NLRP12: variants seen among roughly 807,000 people sequenced by gnomAD.
NLRP12 encodes the protein NACHT, LRR and PYD domains-containing protein 12.
NLRP12 carries 108 observed loss-of-function variants against 91.2 expected under a neutral mutation model. The observed-to-expected ratio is 1.18, with a 90% confidence interval of 1.01 to 1.39. NLRP12 has a LOEUF of 1.39. Ranked by LOEUF, NLRP12 falls within the 40% of genes most tolerant of loss-of-function variation. The pLI is 0.00. For missense variants in NLRP12, 1,530 were observed against 1,352.7 expected (o/e 1.13, Z -2.06); for synonymous variants, 613 against 566.7 (o/e 1.08, Z -1.16).
At position 53,810,986 on chromosome 19, in the gene NLRP12, T is replaced by G; in HGVS notation, c.673A>C (p.Met225Leu). 1.2e-6 allele frequency: 2 copies of G among 1,614,174 alleles called. No individual in the cohort carries two copies. The highest frequency in any genetic ancestry group is 1.7e-6 in the Non-Finnish European group (2 of 1,180,030). Residue 225 changes from methionine to leucine, a missense_variant, in exon 3 of 10, where the codon ATG (methionine) becomes CTG (leucine). Coordinates refer to ENST00000324134, the MANE Select transcript of NLRP12 (RefSeq NM_144687.4). ...TCCAGCATCACCTTGTGTGCCAGCA[T>G]GGACTTGCCTATCCCTGCCGCGCCT... ...MQGAAGIGKS[M>L]LAHKVMLDWA... is the part of the protein sequence containing the mutation.
rs1417925433 is a variant in NLRP12 at position 53,810,320 on chromosome 19, G to C, written c.1339C>G (p.Pro447Ala). Reference protein sequence around the residue: ...LYLLSLMQPKPGAPRLQPPPN... With the variant: ...LYLLSLMQPKAGAPRLQPPPN... ...GGGGGCTGGAGGCGCGGGGCCCCCGGCTTGGGTTGCATCAGACTCAGCAGG... is the reference window on the plus strand; with the variant it reads ...GGGGGCTGGAGGCGCGGGGCCCCCGCCTTGGGTTGCATCAGACTCAGCAGG... The change falls in exon 3 of 10, where the codon CCG (proline) becomes GCG (alanine). Residue 447 changes from proline to alanine, a missense_variant. Physicochemically the swap from Pro to Ala is conservative, Grantham distance 27. Transcript: ENST00000324134. The C allele has an allele frequency of 3.1e-6, 5 of 1,613,528 alleles. No homozygotes were observed. The highest frequency in any genetic ancestry group is 4.2e-6 in the Non-Finnish European group (5 of 1,180,030).
In NLRP12 at chr19:53,810,197, C is replaced by G. The variant is rs368949737; in HGVS notation, c.1462G>C (p.Gly488Arg). ...EQDLRKHGLD[G>R]EDVSAFLNMN... ...TTGAGGAAGGCAGAGACGTCTTCCCCGTCTAGGCCGTGCTTCCGGAGGTCC... is the reference window on the plus strand; with the variant it reads ...TTGAGGAAGGCAGAGACGTCTTCCCGGTCTAGGCCGTGCTTCCGGAGGTCC... The change falls in exon 3 of 10, where the codon GGG becomes CGG. Residue 488 changes from glycine to arginine, a missense_variant. Transcript: ENST00000324134. The G allele has an allele frequency of 1.2e-6, 2 of 1,614,178 alleles. No homozygotes were observed. The highest frequency in any genetic ancestry group is 1.7e-6 in the Non-Finnish European group (2 of 1,180,030).
chr19:53,824,295 G>A lies in NLRP12; in HGVS notation c.-121C>T. On this transcript the variant is annotated 5_prime_UTR_variant, in exon 1 of 10. Transcript: ENST00000324134. ...TTCACAGGCAGCGGGCGGAGAGGCT[G>A]AGCCAGTGGTTGGAGGAGAGAGCAA... is the stretch of plus-strand genomic sequence containing the variant. 1 of 1,050,914 alleles carries A rather than the reference G, an allele frequency of 9.5e-7. No homozygotes were observed. The highest frequency in any genetic ancestry group is 1.3e-5 in the South Asian group (1 of 75,946). The allele number at this position is 1,050,914 out of a possible 1,614,324, so 65.1% of individuals were successfully genotyped here. A position where few individuals can be genotyped will look rare whatever the true frequency, so the allele number is the denominator to read the frequency against.
rs773204355 is a variant in NLRP12 at position 53,804,106 on chromosome 19, G to C, written c.2431C>G (p.Leu811Val). 6.2e-7 allele frequency: 1 copy of C among 1,614,058 alleles called. No homozygotes were observed. Among genetic ancestry groups the C allele is most frequent in the Non-Finnish European group, 8.5e-7 (1 of 1,179,996 alleles). ...ATCTCCTGACAAGCCCCGGACTCCAGCTGACACTTCCTCAACCTTGGGAGG... is the reference window on the plus strand; with the variant it reads ...ATCTCCTGACAAGCCCCGGACTCCACCTGACACTTCCTCAACCTTGGGAGG... ...LQMIQLRKCQ[L>V]ESGACQEMAS... Residue 811 changes from leucine to valine, a missense_variant, in exon 6 of 10, where the codon CTG becomes GTG. Physicochemically the swap from Leu to Val is conservative, Grantham distance 32. Coordinates refer to ENST00000324134, the MANE Select transcript of NLRP12 (RefSeq NM_144687.4).
In NLRP12 at chr19:53,805,689, G is replaced by T. The variant is rs1402007916; in HGVS notation, c.2244-239C>A. On this transcript the variant is annotated intron_variant, in intron 4 of 9. Transcript: ENST00000324134. Reference sequence around the variant, plus strand: ...TGTGCCACCATGCCTGGCTCATTTTGGTATTTTTAGTAGAGATGGGGTTTC... The same window carrying T: ...TGTGCCACCATGCCTGGCTCATTTTTGTATTTTTAGTAGAGATGGGGTTTC... 9.2e-6 allele frequency: 5 copies of T among 542,708 alleles called. No individual in the cohort carries two copies. The African/African-American group carries it at 9.6e-5, about 10-fold the overall frequency. 33.6% of individuals were successfully genotyped at this position (542,708 alleles called of 1,614,324 possible).
rs371880764 is a variant in NLRP12 at position 53,800,848 on chromosome 19, G to A, written c.2756+379C>T. Among the ~76,000 whole-genome samples the A allele has an allele frequency of 3.9e-5, 6 of 152,078 alleles. 1 individual carries two copies. The South Asian group carries it at 1.2e-3, about 32-fold the overall frequency. ...ATCCTCCCACCTCGGCCTCCCAAAA[G>A]TGCTGGAATTAAGGTGTCAGCCACC... is the stretch of plus-strand genomic sequence containing the variant. On this transcript the variant is annotated intron_variant, in intron 7 of 9. Coordinates refer to ENST00000324134, the MANE Select transcript of NLRP12 (RefSeq NM_144687.4).
intron 1 of NLRP12, among the ~76,000 whole-genome samples, chr19:53,823,328 CTA>C (rs1259884775): frequency 7.8e-5 from 10 of 128,210 alleles, no homozygotes; most frequent in Admixed American, 4.4e-4. Context: ...TAAATATATA[CTA>C]TATTTATATA....
intron 1 of NLRP12, among the ~76,000 whole-genome samples, chr19:53,823,237 AAATATTT>A (rs2092285595): frequency 7.0e-6 from 1 of 141,958 alleles, no homozygotes; most frequent in Non-Finnish European, 1.5e-5. Flanking sequence ...TATATGTATT[AAATATTT>A]AATATATAAT....
intron 3 of NLRP12, chr19:53,808,464 C>G (rs922745837): frequency 1.3e-5 from 2 of 152,416 alleles, no homozygotes; most frequent in African/African-American, 2.4e-5. Context: ...TGGTGGCTCA[C>G]ACCTATAATC....
At chr19:53,801,181 G>A (rs201435670) in intron 7 of NLRP12, 46 bp downstream of exon 7, 162 of 1,585,830 alleles carry the variant, frequency 1.0e-4, no homozygotes, top group Admixed American at 4.3e-4. Flanking sequence ...AGAGGGCTGC[G>A]TTCATGGATT....
chr19:53,815,354 G>A lies in NLRP12; in HGVS notation c.290-366C>T, dbSNP rs139495123. Among the ~76,000 whole-genome samples, 314 of 149,336 alleles carry A rather than the reference G, an allele frequency of 2.1e-3. 3 individuals carry two copies. The highest frequency in any genetic ancestry group is 7.2e-3 in the African/African-American group (290 of 40,260). The stretch of plus-strand genomic sequence containing the variant: ...AGCGATTCTCCTGCCTCAGCCTCAC[G>A]AGTAGCTGGCATTACAGGTGTGCGC... On this transcript the variant is annotated intron_variant, in intron 1 of 9. Coordinates refer to ENST00000324134, the MANE Select transcript of NLRP12 (RefSeq NM_144687.4).
At chr19:53,823,457 T>TA (rs1194931421) in intron 1 of NLRP12, among the ~76,000 whole-genome samples, 599 of 21,724 alleles carry the variant, frequency 0.028, 5 homozygotes, top group African/African-American at 0.069. Flanking sequence ...TAAATATATA[T>TA]TTTAAATATA....
chr19:53,815,912 T>C (rs2092151881), intron 1 of NLRP12, among the ~76,000 whole-genome samples: 1 of 151,754 alleles, frequency 6.6e-6, no homozygotes, highest in Admixed American at 6.6e-5. Flanking sequence ...GCCTGGCGAC[T>C]CTGTCTCTTA....
chr19:53,802,634 G>A (rs978693397), intron 6 of NLRP12, among the ~76,000 whole-genome samples: 2 of 151,702 alleles, frequency 1.3e-5, no homozygotes, highest in African/African-American at 2.4e-5. Flanking sequence ...GTGAACCCGG[G>A]AGGCGGAGCT....
Position 53,807,938 on chromosome 19 carries a change from T to TG in NLRP12, c.2073-274dup, listed in dbSNP as rs200105679. 2.3e-3 allele frequency: 973 copies of TG among 417,064 alleles called. 23 individuals carry two copies. In the East Asian group the frequency reaches 0.048, roughly 20 times the overall value. 25.8% of individuals were successfully genotyped at this position (417,064 alleles called of 1,614,324 possible). On this transcript the variant is annotated intron_variant, in intron 3 of 9. Coordinates refer to ENST00000324134, the MANE Select transcript of NLRP12 (RefSeq NM_144687.4). ...GTTAATTTTGTATTTTTAGTAGAGA[T>TG]GGGGTTTCACCGTGTTGGCCAGGCT... is the stretch of plus-strand genomic sequence containing the variant.
In NLRP12 at chr19:53,805,412, T is replaced by C. The variant is rs762644457; in HGVS notation, c.2282A>G (p.Asp761Gly). Residue 761 changes from aspartate to glycine, a missense_variant, in exon 5 of 10, where the codon GAC becomes GGC. Physicochemically the swap from Asp to Gly is moderately conservative, Grantham distance 94. Transcript: ENST00000324134. ...RCRISSSACE[D>G]LSAALIANKN... Reference sequence around the variant, plus strand: ...ATTGGCTATGAGAGCTGCAGAGAGGTCCTCGCAGGCTGAGCTGGAGATGCG... The same window carrying C: ...ATTGGCTATGAGAGCTGCAGAGAGGCCCTCGCAGGCTGAGCTGGAGATGCG... The C allele has an allele frequency of 6.2e-6, 10 of 1,613,818 alleles. No individual in the cohort carries two copies. The East Asian group carries it at 8.9e-5, about 14-fold the overall frequency.
chr19:53,820,889 CA>C, intron 1 of NLRP12, among the ~76,000 whole-genome samples: 1 of 151,778 alleles, frequency 6.6e-6, no homozygotes, highest in East Asian at 1.9e-4. Flanking sequence ...TTTAAAAAAA[CA>C]ATTCCACAGC....
intron 1 of NLRP12, among the ~76,000 whole-genome samples, chr19:53,817,118 C>T (rs975538125): frequency 1.3e-5 from 2 of 150,300 alleles, no homozygotes; most frequent in Non-Finnish European, 3.0e-5. Flanking sequence ...GGTGAAACCC[C>T]GTCTCTACTA....
intron 1 of NLRP12, among the ~76,000 whole-genome samples, chr19:53,820,862 TAA>T (rs1345141757): frequency 6.6e-6 from 1 of 151,166 alleles, no homozygotes; most frequent in Non-Finnish European, 1.5e-5. Context: ...TAATTTTTTG[TAA>T]AAAATAAAAA....
Sources: gnomAD v4.1 joint callset for allele counts (sites outside exome capture counted in the v4.1 genomes callset) on GRCh38, gnomAD v4.1.1 for gene constraint, MANE v1.5 for transcripts, NCBI Gene and HGNC (gene_info 2026-07-23, HGNC 2026-07-21) for gene names.